FRMD4B: variants seen among roughly 807,000 people sequenced by gnomAD.
The protein encoded by FRMD4B is FERM domain containing 4B.
A neutral mutation model predicts 141.5 loss-of-function variants in FRMD4B; 74 were observed. The observed-to-expected ratio is 0.52, with a 90% confidence interval of 0.43 to 0.63. FRMD4B has a LOEUF of 0.63. Ranked by LOEUF, FRMD4B falls within the 30% of genes least tolerant of loss-of-function variation. FRMD4B has a pLI of 0.00. For missense variants in FRMD4B, 1,366 were observed against 1,253.4 expected (o/e 1.09, Z -1.36); for synonymous variants, 506 against 467.9 (o/e 1.08, Z -1.05).
intron 2 of FRMD4B, among the ~76,000 whole-genome samples, chr3:69,431,633 C>T (rs188215695): frequency 1.2e-4 from 19 of 152,268 alleles, no homozygotes; most frequent in African/African-American, 4.6e-4. Flanking sequence ...GTTTTAATAT[C>T]ACCCGCATTT....
intron 1 of FRMD4B, among the ~76,000 whole-genome samples, chr3:69,345,964 G>A (rs185485172): frequency 3.2e-4 from 48 of 152,286 alleles, no homozygotes; most frequent in African/African-American, 1.1e-3. Flanking sequence ...TGCCAGCAAT[G>A]CAACAAAGCT....
chr3:69,375,853 C>A (rs1703959188), intron 1 of FRMD4B, among the ~76,000 whole-genome samples: 1 of 152,150 alleles, frequency 6.6e-6, no homozygotes, highest in Admixed American at 6.5e-5. Flanking sequence ...AATCTAGGAA[C>A]TCTCCTTTTC....
chr3:69,441,104 T>C (rs1200939063), intron 1 of FRMD4B, among the ~76,000 whole-genome samples: 1 of 152,202 alleles, frequency 6.6e-6, no homozygotes, highest in Non-Finnish European at 1.5e-5. Flanking sequence ...CATCCCTCCC[T>C]GAATGTAGCT....
chr3:69,396,449 G>T (rs559402197), intron 2 of FRMD4B, among the ~76,000 whole-genome samples: 1 of 152,086 alleles, frequency 6.6e-6, no homozygotes, highest in Admixed American at 6.6e-5. Flanking sequence ...AGGCTGCAGT[G>T]AGCTGTGATG....
chr3:69,449,891 T>G (rs1432503328), intron 1 of FRMD4B, among the ~76,000 whole-genome samples: 2 of 152,214 alleles, frequency 1.3e-5, no homozygotes, highest in African/African-American at 4.8e-5. Flanking sequence ...AGTAGGGCAC[T>G]ATGATACAGA....
At chr3:69,241,955 T>C (rs2093387858) in intron 7 of FRMD4B, among the ~76,000 whole-genome samples, 2 of 152,160 alleles carry the variant, frequency 1.3e-5, no homozygotes, top group South Asian at 4.1e-4. Flanking sequence ...TGCATGTGGT[T>C]TGGAGCCCTA....
intron 1 of FRMD4B, among the ~76,000 whole-genome samples, chr3:69,514,786 AC>A (rs1258574934): frequency 7.2e-5 from 11 of 152,196 alleles, no homozygotes; most frequent in Admixed American, 7.2e-4. Flanking sequence ...TGTCCGTGTT[AC>A]CCAAAATGAT....
At chr3:69,230,296 CA>C (rs1267395875) in intron 7 of FRMD4B, among the ~76,000 whole-genome samples, 1 of 152,090 alleles carries the variant, frequency 6.6e-6, no homozygotes. Context: ...TTTAAAACTC[CA>C]ACAAGGTCTA....
chr3:69,194,827 G>A (rs933607688), intron 16 of FRMD4B, among the ~76,000 whole-genome samples, 195 bp downstream of exon 16: 1 of 152,202 alleles, frequency 6.6e-6, no homozygotes, highest in Non-Finnish European at 1.5e-5. Flanking sequence ...GATTTGGGGA[G>A]TAAATTAGTG....
At chr3:69,483,193 G>T (rs1297908131) in intron 1 of FRMD4B, among the ~76,000 whole-genome samples, 1 of 152,152 alleles carries the variant, frequency 6.6e-6, no homozygotes, top group Non-Finnish European at 1.5e-5. Context: ...ATGTTTCTAG[G>T]TCCATGGGTC....
intron 1 of FRMD4B, among the ~76,000 whole-genome samples, chr3:69,481,356 C>T (rs2106985718): frequency 6.6e-6 from 1 of 152,276 alleles, no homozygotes; most frequent in East Asian, 1.9e-4. Flanking sequence ...CATCTTGGCA[C>T]ACTCCTCTTA....
intron 1 of FRMD4B, among the ~76,000 whole-genome samples, chr3:69,498,907 G>C (rs958728143): frequency 2.6e-5 from 4 of 152,078 alleles, no homozygotes; most frequent in African/African-American, 9.7e-5. Flanking sequence ...ATTTCCTACT[G>C]TCATGAAGCT....
intron 1 of FRMD4B, among the ~76,000 whole-genome samples, chr3:69,434,826 C>T (rs556138340): frequency 6.6e-6 from 1 of 152,180 alleles, no homozygotes; most frequent in South Asian, 2.1e-4. Flanking sequence ...CTAGGGCTGC[C>T]GTAACAAAAT....
At chr3:69,343,590 T>G (rs995606403) in intron 1 of FRMD4B, among the ~76,000 whole-genome samples, 1 of 149,152 alleles carries the variant, frequency 6.7e-6, no homozygotes, top group Non-Finnish European at 1.5e-5. Context: ...TTTTTTTTTT[T>G]TTTTTTTTAG....
intron 1 of FRMD4B, among the ~76,000 whole-genome samples, chr3:69,485,268 G>C (rs1000521496): frequency 1.3e-5 from 2 of 152,212 alleles, no homozygotes; most frequent in Non-Finnish European, 2.9e-5. Context: ...AGTCGGGGGA[G>C]GCCAGGCAGC....
At chr3:69,199,393 A>G (rs2092944512) in intron 11 of FRMD4B, 1 of 152,278 alleles carries the variant, frequency 6.6e-6, no homozygotes, top group Non-Finnish European at 1.5e-5. Flanking sequence ...ATCTGCACAG[A>G]TTCCAGTAAG....
intron 5 of FRMD4B, among the ~76,000 whole-genome samples, chr3:69,279,643 G>A (rs1005731691): frequency 6.6e-6 from 1 of 151,418 alleles, no homozygotes; most frequent in African/African-American, 2.4e-5. Flanking sequence ...GCTCTTAAGA[G>A]TTGAGTTGCT....
intron 3 of FRMD4B, among the ~76,000 whole-genome samples, chr3:69,304,821 T>A (rs1008239514): frequency 2.6e-5 from 4 of 152,132 alleles, no homozygotes; most frequent in Non-Finnish European, 5.9e-5. Flanking sequence ...TGGGATAGCG[T>A]GTCAAAATGT....
intron 11 of FRMD4B, chr3:69,200,902 G>A: frequency 2.2e-6 from 1 of 454,950 alleles, no homozygotes. Context: ...AAAAACCAGG[G>A]CTGGACTTGA....
Sources: allele counts gnomAD v4.1 joint callset (sites outside exome capture counted in the v4.1 genomes callset), GRCh38; gene constraint gnomAD v4.1.1; transcripts MANE v1.5; gene names NCBI Gene and HGNC (gene_info 2026-07-23, HGNC 2026-07-21).